SCN9A: variants seen among roughly 807,000 people sequenced by gnomAD.
SCN9A encodes the protein sodium voltage-gated channel alpha subunit 9.
A neutral mutation model predicts 187.0 loss-of-function variants in SCN9A; 131 were observed. That is an observed-to-expected ratio of 0.70 (90% CI 0.61 to 0.81). SCN9A has a LOEUF of 0.81. SCN9A is among the 30% of genes least tolerant of loss of function. SCN9A has a pLI of 0.00. For synonymous variants in SCN9A, 809 were observed against 808.6 expected (o/e 1.00, Z -0.01); for missense variants, 2,252 against 2,396.6 (o/e 0.94, Z 1.26).
rs1303442615 is a variant in SCN9A at position 166,295,505 on chromosome 2, T to C, written c.902-843A>G. Among the ~76,000 whole-genome samples the C allele has an allele frequency of 4.6e-5, 7 of 152,274 alleles. No individual in the cohort carries two copies. In the South Asian group the frequency reaches 1.2e-3, roughly 27 times the overall value. ...TGGGCTGCAAACCTGTAGAGTGGGC[T>C]ACTGTACTCAATATTGTAGGCAACT... On this transcript the variant is annotated intron_variant, in intron 7 of 26. Coordinates refer to ENST00000642356, the MANE Select transcript of SCN9A (RefSeq NM_001365536.1).
chr2:166,264,546 G>C (rs1157840478), intron 17 of SCN9A, among the ~76,000 whole-genome samples: 1 of 151,910 alleles, frequency 6.6e-6, no homozygotes, highest in African/African-American at 2.4e-5. Flanking sequence ...TGACTAAACC[G>C]TTTGTTTTAA....
intron 1 of SCN9A, among the ~76,000 whole-genome samples, chr2:166,342,022 T>C (rs998710703): frequency 1.3e-5 from 2 of 152,214 alleles, no homozygotes; most frequent in African/African-American, 4.8e-5. Flanking sequence ...TTTCTGCATG[T>C]GTGGCATAAA....
intron 1 of SCN9A, among the ~76,000 whole-genome samples, chr2:166,373,330 A>ATTTT (rs1700610219): frequency 1.5e-4 from 18 of 124,048 alleles, no homozygotes; most frequent in East Asian, 2.9e-4. Context: ...TTTTTTTTAA[A>ATTTT]TGCAGTTGTG....
chr2:166,347,441 T>A (rs1016878117), intron 1 of SCN9A, among the ~76,000 whole-genome samples: 2 of 152,206 alleles, frequency 1.3e-5, no homozygotes, highest in African/African-American at 4.8e-5. Context: ...TAGGTTTTCA[T>A]GCAGAAAATC....
intron 24 of SCN9A, among the ~76,000 whole-genome samples, chr2:166,208,398 T>C (rs1392645645): frequency 6.6e-6 from 1 of 152,212 alleles, no homozygotes; most frequent in Non-Finnish European, 1.5e-5. Flanking sequence ...CTTAGCATAA[T>C]ATCTGGCACA....
At chr2:166,267,008 AT>A (rs778473952) in intron 17 of SCN9A, among the ~76,000 whole-genome samples, 10 of 151,996 alleles carry the variant, frequency 6.6e-5, no homozygotes, top group Non-Finnish European at 1.2e-4. Context: ...AACAAAGAGA[AT>A]TTGACTTCCT....
Position 166,357,750 on chromosome 2 carries a change from C to T in SCN9A, c.-51+17947G>A, listed in dbSNP as rs148315085. Among the ~76,000 whole-genome samples, 166 of 152,266 alleles carry T rather than the reference C, an allele frequency of 1.1e-3. 1 individual carries two copies. Among genetic ancestry groups the T allele is most frequent in the African/African-American group, 3.1e-3 (127 of 41,550 alleles). ...TCACTAGTCAAGAAGTTAGCTTGTG[C>T]GCCATACTTGCACTTCTCCATTCTT... On this transcript the variant is annotated intron_variant, in intron 1 of 26. Coordinates refer to ENST00000642356, the MANE Select transcript of SCN9A (RefSeq NM_001365536.1).
chr2:166,358,702 G>A (rs1420290202), intron 1 of SCN9A, among the ~76,000 whole-genome samples: 1 of 152,040 alleles, frequency 6.6e-6, no homozygotes, highest in African/African-American at 2.4e-5. Flanking sequence ...TGGCTCCTGT[G>A]TTTTATATTA....
rs574145206 is a variant in SCN9A at position 166,364,595 on chromosome 2, A to T, written c.-51+11102T>A. ...AGCCAGACATGAAAAGACAAATGCT[A>T]TAGGGTTCCACTTACATGAGGTACC... On this transcript the variant is annotated intron_variant, in intron 1 of 26. Coordinates refer to ENST00000642356, the MANE Select transcript of SCN9A (RefSeq NM_001365536.1). Among the ~76,000 whole-genome samples the T allele has an allele frequency of 2.0e-5, 3 of 152,308 alleles. No homozygotes were observed. In the East Asian group the frequency reaches 5.8e-4, roughly 29 times the overall value.
chr2:166,237,175 A>C (rs1476781573), intron 20 of SCN9A, among the ~76,000 whole-genome samples: 1 of 151,284 alleles, frequency 6.6e-6, no homozygotes, highest in Non-Finnish European at 1.5e-5. Flanking sequence ...AATATGTCAT[A>C]TATATTATTA....
In SCN9A at chr2:166,198,435, G is replaced by A. The variant is rs16851755; in HGVS notation, c.*237C>T. On this transcript the variant is annotated 3_prime_UTR_variant, in exon 27 of 27. Coordinates refer to ENST00000642356, the MANE Select transcript of SCN9A (RefSeq NM_001365536.1). The stretch of plus-strand genomic sequence containing the variant: ...AAAACCAAAAAACTGAATCACTTTT[G>A]TATGCTATAATCAATAATTCCTACA... The A allele has an allele frequency of 3.7e-4, 149 of 403,064 alleles. No homozygotes were observed. The highest frequency in any genetic ancestry group is 2.5e-3 in the African/African-American group (114 of 46,180). The allele number at this position is 403,064 out of a possible 1,614,324, so 25.0% of individuals were successfully genotyped here. A position where few individuals can be genotyped will look rare whatever the true frequency, so the allele number is the denominator to read the frequency against.
chr2:166,350,069 G>T (rs1331737796), intron 1 of SCN9A, among the ~76,000 whole-genome samples: 1 of 152,050 alleles, frequency 6.6e-6, no homozygotes, highest in Non-Finnish European at 1.5e-5. Context: ...CTCCTGGTTC[G>T]TGGACTTGTC....
intron 21 of SCN9A, 51 bp downstream of exon 21, chr2:166,233,289 T>C: frequency 7.5e-7 from 1 of 1,335,818 alleles, no homozygotes; most frequent in African/African-American, 1.5e-5. Flanking sequence ...GTTTTTATAT[T>C]TTAAACCCCA....
chr2:166,227,561 T>C (rs1160711047), intron 23 of SCN9A, 109 bp downstream of exon 23: 1 of 708,448 alleles, frequency 1.4e-6, no homozygotes, highest in African/African-American at 1.8e-5. Context: ...ATGTTCTTCA[T>C]TGTCTATGTG....
At chr2:166,348,086 T>C (rs2105293243) in intron 1 of SCN9A, among the ~76,000 whole-genome samples, 1 of 152,280 alleles carries the variant, frequency 6.6e-6, no homozygotes, top group East Asian at 1.9e-4. Flanking sequence ...GCTAACAATC[T>C]GTGGCTCCAG....
chr2:166,291,134 T>C (rs1377970396), intron 9 of SCN9A, among the ~76,000 whole-genome samples: 3 of 152,050 alleles, frequency 2.0e-5, no homozygotes, highest in Non-Finnish European at 4.4e-5. Flanking sequence ...AGACCGGAAG[T>C]CAAATTGTCT....
chr2:166,267,679 A>G (rs115100136), intron 17 of SCN9A, among the ~76,000 whole-genome samples: 3,238 of 152,056 alleles, frequency 0.021, 130 homozygotes, highest in African/African-American at 0.074. Context: ...CAGTGAAGCC[A>G]TGTGGTCCTG....
intron 1 of SCN9A, among the ~76,000 whole-genome samples, chr2:166,360,365 T>C (rs1700254603): frequency 6.6e-6 from 1 of 152,028 alleles, no homozygotes; most frequent in African/African-American, 2.4e-5. Flanking sequence ...GTCTTATCTG[T>C]ACAGCATGTA....
At chr2:166,319,254 T>G (rs2105241840) in intron 1 of SCN9A, among the ~76,000 whole-genome samples, 1 of 152,048 alleles carries the variant, frequency 6.6e-6, no homozygotes, top group East Asian at 1.9e-4. Flanking sequence ...TTATCAAGTG[T>G]GATGGCAAAC....
Sources: allele counts gnomAD v4.1 joint callset (sites outside exome capture counted in the v4.1 genomes callset), GRCh38; gene constraint gnomAD v4.1.1; transcripts MANE v1.5; gene names NCBI Gene and HGNC (gene_info 2026-07-23, HGNC 2026-07-21).